MRTFB: variants seen among roughly 807,000 people sequenced by gnomAD.
The protein encoded by MRTFB is myocardin related transcription factor B, also known as myocardin-related transcription factor B.
In MRTFB, 29 loss-of-function variants were observed where a neutral mutation model predicts 104.2. The ratio of observed to expected loss-of-function variants is 0.28; its 90% CI spans 0.21 to 0.38. The LOEUF (loss-of-function observed/expected upper bound fraction) is 0.38. MRTFB is among the 10% of genes least tolerant of loss of function. The pLI, the probability that MRTFB is intolerant of heterozygous loss-of-function variation, is 1.00. For synonymous variants in MRTFB, 535 were observed against 519.5 expected, an observed-to-expected ratio of 1.03 and a Z score of -0.41; for missense variants, 1,270 against 1,341.6, an observed-to-expected ratio of 0.95 and a Z score of 0.83.
At chr16:14,151,107 T>C (rs1482713469) in intron 3 of MRTFB, 3 of 152,204 alleles carry the variant, frequency 2.0e-5, no homozygotes, top group African/African-American at 7.2e-5. Context: ...AGGAGGTGAC[T>C]ACAAAATTGT....
intron 2 of MRTFB, among the ~76,000 whole-genome samples, chr16:14,108,870 T>C (rs2036133505): frequency 6.6e-6 from 1 of 152,154 alleles, no homozygotes; most frequent in African/African-American, 2.4e-5. Context: ...CCGAATACAG[T>C]AGCTTGATAT....
At chr16:14,242,213 C>T (rs751034058) in intron 10 of MRTFB, among the ~76,000 whole-genome samples, 2 of 151,960 alleles carry the variant, frequency 1.3e-5, no homozygotes, top group Non-Finnish European at 2.9e-5. Flanking sequence ...TTTGGCTGTG[C>T]GACTGGCTTT....
At chr16:14,099,870 G>C (rs879369507) in intron 2 of MRTFB, among the ~76,000 whole-genome samples, 5 of 152,042 alleles carry the variant, frequency 3.3e-5, no homozygotes, top group South Asian at 2.1e-4. Context: ...ATTTCACTGT[G>C]TTGGCCAGGC....
the MRTFB span, among the ~76,000 whole-genome samples, chr16:14,029,445 T>TATATACACAC: frequency 1.2e-3 from 104 of 85,958 alleles, 1 homozygote; most frequent in East Asian, 6.9e-3. Context: ...TATATATATA[T>TATATACACAC]ACACACACAC....
At chr16:14,025,783 A>T in the MRTFB span, among the ~76,000 whole-genome samples, 1 of 152,252 alleles carries the variant, frequency 6.6e-6, no homozygotes, top group Non-Finnish European at 1.5e-5. Context: ...AGCTAACAGG[A>T]TGCAAGGGCA....
At chr16:14,040,464 ATCT>A in the MRTFB span, among the ~76,000 whole-genome samples, 1 of 115,170 alleles carries the variant, frequency 8.7e-6, no homozygotes. Context: ...ATATTACTAA[ATCT>A]TTTTTTTTTT....
At chr16:14,182,561 G>A (rs115385828) in intron 3 of MRTFB, among the ~76,000 whole-genome samples, 3,697 of 152,274 alleles carry the variant, frequency 0.024, 65 homozygotes, top group Middle Eastern at 0.085. Flanking sequence ...GTAGATGTGT[G>A]TGTATACATC....
chr16:14,048,946 C>T, the MRTFB span, among the ~76,000 whole-genome samples: 53 of 152,296 alleles, frequency 3.5e-4, 1 homozygote, highest in Non-Finnish European at 5.9e-4. Flanking sequence ...CCAAGGTTCC[C>T]AAGCTCCTGT....
intron 3 of MRTFB, among the ~76,000 whole-genome samples, chr16:14,190,248 GTTTCT>G (rs1278579456): frequency 2.0e-5 from 3 of 152,296 alleles, no homozygotes; most frequent in Non-Finnish European, 4.4e-5. Context: ...CCTTAGACTA[GTTTCT>G]TTTGTCAAAG....
rs748833181 is a variant in MRTFB at position 14,218,993 on chromosome 16, G to A, written c.688G>A (p.Ala230Thr). Residue 230 changes from alanine to threonine, a missense_variant, in exon 8 of 17, where the codon GCG (alanine) becomes ACG (threonine). By Grantham distance (58) the Ala-to-Thr change is moderately conservative. Coordinates refer to ENST00000571589, the MANE Select transcript of MRTFB (RefSeq NM_001308142.2). ...ATCTCCTGTGACTACAAACACTCCA[G>A]CGCAGGTATTATCTTTCTGGTTTTG... ...SPSPVTTNTP[A>T]QFASVSPTVP... 1 of 1,608,080 alleles carries A rather than the reference G, an allele frequency of 6.2e-7. No individual in the cohort carries two copies.
intron 3 of MRTFB, among the ~76,000 whole-genome samples, chr16:14,165,306 A>G (rs1038509770): frequency 2.2e-4 from 34 of 152,100 alleles, no homozygotes; most frequent in Non-Finnish European, 2.1e-4. Context: ...GAGAATTGGA[A>G]TAGGCTGTTA....
At chr16:14,061,566 CTTTTTTT>C in the MRTFB span, among the ~76,000 whole-genome samples, 6 of 102,630 alleles carry the variant, frequency 5.8e-5, no homozygotes, top group African/African-American at 1.2e-4. Flanking sequence ...TCAAGGTCAT[CTTTTTTT>C]TTTTTTTTTT....
chr16:14,251,701 G>C (rs1037704505), intron 13 of MRTFB, among the ~76,000 whole-genome samples, 161 bp from the exon 14 acceptor site: 5 of 152,232 alleles, frequency 3.3e-5, no homozygotes, highest in Admixed American at 2.6e-4. Flanking sequence ...GCAGAGCCAA[G>C]TGGTAACAAC....
At chr16:14,090,879 GGTGTGTGT>G (rs55685117) in intron 2 of MRTFB, among the ~76,000 whole-genome samples, 38 of 141,776 alleles carry the variant, frequency 2.7e-4, no homozygotes, top group African/African-American at 6.0e-4. Flanking sequence ...AGTTCAGCAT[GGTGTGTGT>G]GTGTGTGTGT....
At chr16:14,028,214 C>T in the MRTFB span, among the ~76,000 whole-genome samples, 1 of 152,048 alleles carries the variant, frequency 6.6e-6, no homozygotes, top group East Asian at 1.9e-4. Context: ...CACAACAAAA[C>T]AAAACAAAAC....
At chr16:14,225,254 C>T (rs967322436) in intron 8 of MRTFB, among the ~76,000 whole-genome samples, 1 of 152,114 alleles carries the variant, frequency 6.6e-6, no homozygotes, top group African/African-American at 2.4e-5. Context: ...TGGTCTGTAA[C>T]TCTACTTTTT....
chr16:14,020,005 C>T, the MRTFB span, among the ~76,000 whole-genome samples: 25 of 152,218 alleles, frequency 1.6e-4, no homozygotes, highest in Non-Finnish European at 3.4e-4. Context: ...AGGGCGCTAT[C>T]AGGGCCTTGA....
At chr16:14,022,483 G>A in the MRTFB span, among the ~76,000 whole-genome samples, 21 of 152,170 alleles carry the variant, frequency 1.4e-4, 1 homozygote, top group East Asian at 5.8e-4. Flanking sequence ...TGCAACTTCC[G>A]CCTCCTGGGT....
the MRTFB span, among the ~76,000 whole-genome samples, chr16:14,033,259 A>G: frequency 6.6e-6 from 1 of 152,030 alleles, no homozygotes; most frequent in African/African-American, 2.4e-5. Flanking sequence ...TTAAAAAAAA[A>G]CATAGGTCGG....
Sources: allele counts gnomAD v4.1 joint callset (sites outside exome capture counted in the v4.1 genomes callset), GRCh38; gene constraint gnomAD v4.1.1; transcripts MANE v1.5; gene names NCBI Gene and HGNC (gene_info 2026-07-23, HGNC 2026-07-21).